Variants in DUSP10 observed in about 807,000 individuals in gnomAD.
The protein encoded by DUSP10 is dual specificity phosphatase 10, also known as dual specificity protein phosphatase 10.
DUSP10 carries 14 observed loss-of-function variants against 30.8 expected under a neutral mutation model. The observed-to-expected ratio is 0.46, with a 90% CI of 0.30 to 0.71. The LOEUF (loss-of-function observed/expected upper bound fraction) is 0.71, where lower values mean the gene tolerates loss of function less well. Among genes scored for constraint, DUSP10 ranks in the 30% least tolerant of loss-of-function variants. DUSP10 has a pLI of 0.08. For missense variants in DUSP10, 550 were observed against 619.4 expected (o/e 0.89, Z 1.19); for synonymous variants, 254 against 250.4 (o/e 1.01, Z -0.14).
chr1:221,741,653 G>C (rs183870215), intron 1 of DUSP10, among the ~76,000 whole-genome samples: 1 of 145,938 alleles, frequency 6.9e-6, no homozygotes, highest in Non-Finnish European at 1.5e-5. Flanking sequence ...TTCACTCCTC[G>C]GCACACAGCG....
chr1:221,715,322 A>G (rs1661065062), intron 2 of DUSP10, among the ~76,000 whole-genome samples: 4 of 152,194 alleles, frequency 2.6e-5, no homozygotes. Flanking sequence ...TCAGAGCTTT[A>G]AAGATTCCCC....
At chr1:221,737,618 C>A (rs529512902) in intron 2 of DUSP10, among the ~76,000 whole-genome samples, 1 of 152,320 alleles carries the variant, frequency 6.6e-6, no homozygotes, top group South Asian at 2.1e-4. Context: ...CAGCAAAGCC[C>A]ACCAGCCCTA....
At chr1:221,736,997 G>A (rs1048345919) in intron 2 of DUSP10, 1 of 985,388 alleles carries the variant, frequency 1.0e-6, no homozygotes, top group Non-Finnish European at 1.2e-6. Flanking sequence ...TGACACTGAG[G>A]AAGAAGTCTA....
chr1:221,721,430 G>A (rs1661274551), intron 2 of DUSP10, among the ~76,000 whole-genome samples: 1 of 152,346 alleles, frequency 6.6e-6, no homozygotes, highest in South Asian at 2.1e-4. Context: ...ACTGAAGATT[G>A]AGCTGAACAA....
chr1:221,741,636 C>A (rs1571837841), intron 1 of DUSP10, among the ~76,000 whole-genome samples: 2 of 152,040 alleles, frequency 1.3e-5, no homozygotes, highest in East Asian at 3.9e-4. Flanking sequence ...ATCCCCCCGC[C>A]CCCCGCTTCA....
At chr1:221,740,585 C>T (rs1184367103) in intron 1 of DUSP10, among the ~76,000 whole-genome samples, 1 of 152,206 alleles carries the variant, frequency 6.6e-6, no homozygotes, top group Non-Finnish European at 1.5e-5. Context: ...TCACCTGCCC[C>T]CGCCCTCATT....
rs1660773716 is a variant in DUSP10, at chr1:221,706,677, G to A, written c.812-211C>T. 6.6e-6 allele frequency among the ~76,000 whole-genome samples: 1 copy of A among 152,156 alleles called. No individual in the cohort carries two copies. Among genetic ancestry groups the A allele is most frequent in the South Asian group, 2.1e-4 (1 of 4,820 alleles). ...TTGGAGACCCAAGACAAGCTTCGGG[G>A]AGTATCACTGCATGGAACACTTTGG... is the stretch of plus-strand genomic sequence containing the variant. On this transcript the variant is annotated intron_variant, in intron 2 of 3. Transcript: ENST00000366899. The surrounding 1 kb of genome is among the most constrained non-coding windows in gnomAD (Gnocchi z 4.6).
At chr1:221,709,464 G>T (rs1228745504) in intron 2 of DUSP10, among the ~76,000 whole-genome samples, 1 of 151,708 alleles carries the variant, frequency 6.6e-6, no homozygotes, top group African/African-American at 2.4e-5. Context: ...TTTGGAGGTG[G>T]GAGGGGTGGG....
chr1:221,732,999 T>G (rs73110862), intron 2 of DUSP10, among the ~76,000 whole-genome samples: 2,411 of 152,332 alleles, frequency 0.016, 40 homozygotes, highest in African/African-American at 0.039. Context: ...TTTCTCTCCT[T>G]AATATGTAGT....
At chr1:221,737,085 C>T (rs866439792) in intron 2 of DUSP10, 1 of 985,298 alleles carries the variant, frequency 1.0e-6, no homozygotes, top group Admixed American at 6.1e-5. Flanking sequence ...CCAGGAGATT[C>T]ATTTCTCAAT....
At chr1:221,719,032 C>T (rs114421237) in intron 2 of DUSP10, among the ~76,000 whole-genome samples, 1,556 of 152,238 alleles carry the variant, frequency 0.01, 22 homozygotes, top group African/African-American at 0.034. Flanking sequence ...TATGGAAGTG[C>T]CCAGCCAAAA....
chr1:221,711,383 C>G (rs964821197), intron 2 of DUSP10, among the ~76,000 whole-genome samples: 11 of 152,120 alleles, frequency 7.2e-5, no homozygotes, highest in Admixed American at 5.9e-4. Context: ...GAGCTGTTTC[C>G]AGAAATTTAA....
intron 2 of DUSP10, among the ~76,000 whole-genome samples, chr1:221,715,816 G>A (rs1661086753): frequency 6.6e-6 from 1 of 152,168 alleles, no homozygotes; most frequent in Admixed American, 6.5e-5. Flanking sequence ...AGAGTTCCCA[G>A]AGCCAGGAAG....
intron 2 of DUSP10, among the ~76,000 whole-genome samples, chr1:221,736,129 C>T (rs1008369510): frequency 1.3e-5 from 2 of 152,150 alleles, no homozygotes; most frequent in Non-Finnish European, 2.9e-5. Context: ...TCGGTTTCTT[C>T]CCAACCTGAC....
rs564492270 is a variant in DUSP10 at position 221,709,678 on chromosome 1, A to G, written c.812-3212T>C. Among the ~76,000 whole-genome samples, 4 of 152,164 alleles carry G rather than the reference A, an allele frequency of 2.6e-5. No homozygotes were observed. In the South Asian group the frequency reaches 8.3e-4, roughly 32 times the overall value. On this transcript the variant is annotated intron_variant, in intron 2 of 3. Transcript: ENST00000366899. ...ACGGTGCTTAAAGTAAAAAACAACG[A>G]GTGGAAGCTCACAGTGGTGGCTTTT... is the stretch of plus-strand genomic sequence containing the variant.
intron 2 of DUSP10, among the ~76,000 whole-genome samples, chr1:221,715,254 T>C (rs978286499): frequency 2.0e-5 from 3 of 152,134 alleles, no homozygotes; most frequent in Admixed American, 1.3e-4. Context: ...TTTATGAAAA[T>C]TGAAAATAAA....
chr1:221,733,053 G>A (rs6679673), intron 2 of DUSP10, among the ~76,000 whole-genome samples: 25,248 of 152,182 alleles, frequency 0.17, 2,387 homozygotes, highest in African/African-American at 0.26. Flanking sequence ...TAAGCACTCC[G>A]ATATATCACA....
chr1:221,716,613 T>G (rs1661114378), intron 2 of DUSP10, among the ~76,000 whole-genome samples: 1 of 152,174 alleles, frequency 6.6e-6, no homozygotes, highest in Non-Finnish European at 1.5e-5. Context: ...AGAGTAAGTA[T>G]TTTTGCTTTC....
intron 2 of DUSP10, among the ~76,000 whole-genome samples, chr1:221,713,912 A>G (rs969014315): frequency 1.3e-5 from 2 of 152,234 alleles, no homozygotes; most frequent in Non-Finnish European, 2.9e-5. Flanking sequence ...AACTTAATAA[A>G]ATAAAAAGAT....
Sources: allele counts gnomAD v4.1 joint callset (sites outside exome capture counted in the v4.1 genomes callset), GRCh38; gene constraint gnomAD v4.1.1; non-coding constraint Gnocchi (gnomAD v3.1); transcripts MANE v1.5; gene names NCBI Gene and HGNC (gene_info 2026-07-23, HGNC 2026-07-21).